PAIP2: variants seen among roughly 807,000 people sequenced by gnomAD.
The protein encoded by PAIP2 is poly(A) binding protein interacting protein 2, also known as polyadenylate-binding protein-interacting protein 2.
PAIP2 carries 7 observed loss-of-function variants against 14.8 expected under a neutral mutation model. The observed-to-expected ratio is 0.47, with a 90% CI of 0.27 to 0.89. The LOEUF is 0.89. PAIP2 is among the 40% of genes least tolerant of loss of function. The pLI, the probability that PAIP2 is intolerant of heterozygous loss-of-function variation, is 0.13. For missense variants in PAIP2, 122 were observed against 154.7 expected (o/e 0.79, Z 1.12); for synonymous variants, 47 against 45.3 (o/e 1.04, Z -0.15).
intron 1 of PAIP2, among the ~76,000 whole-genome samples, chr5:139,348,100 C>T (rs1231569360): frequency 2.8e-5 from 4 of 145,016 alleles, no homozygotes; most frequent in African/African-American, 1.0e-4. Context: ...GACCCGAGAT[C>T]GTGCAGCTGC....
At chr5:139,365,302 G>T (rs1024413882) in intron 3 of PAIP2, among the ~76,000 whole-genome samples, 2 of 151,746 alleles carry the variant, frequency 1.3e-5, no homozygotes, top group Non-Finnish European at 2.9e-5. Flanking sequence ...CCTGGCCAAC[G>T]TGGTGAAACC....
intron 1 of PAIP2, among the ~76,000 whole-genome samples, chr5:139,360,777 C>T (rs1332564846): frequency 7.0e-6 from 1 of 141,850 alleles, no homozygotes; most frequent in African/African-American, 2.6e-5. Flanking sequence ...TCCTGCCTTT[C>T]TTTTTTTTTT....
chr5:139,354,486 C>A (rs933510262), intron 1 of PAIP2, among the ~76,000 whole-genome samples: 1 of 152,078 alleles, frequency 6.6e-6, no homozygotes, highest in African/African-American at 2.4e-5. Context: ...TGTATTGGTA[C>A]GGGTCATATT....
At chr5:139,367,870 A>C (rs72552210) in intron 3 of PAIP2, among the ~76,000 whole-genome samples, 1 of 152,190 alleles carries the variant, frequency 6.6e-6, no homozygotes, top group East Asian at 1.9e-4. Flanking sequence ...GTTACACTTA[A>C]GCAAACTGAA....
intron 3 of PAIP2, chr5:139,365,025 TC>T (rs1313813794): frequency 1.1e-5 from 2 of 183,000 alleles, no homozygotes; most frequent in Non-Finnish European, 2.3e-5. Context: ...ATGCCTGTGA[TC>T]CCAGCTACTC....
At chr5:139,355,829 C>T (rs1756892379) in intron 1 of PAIP2, among the ~76,000 whole-genome samples, 1 of 151,532 alleles carries the variant, frequency 6.6e-6, no homozygotes, top group Non-Finnish European at 1.5e-5. Flanking sequence ...TGCACTCCAG[C>T]CTGGGCAACA....
chr5:139,362,744 A>T (rs932688911), intron 1 of PAIP2, among the ~76,000 whole-genome samples: 3 of 151,704 alleles, frequency 2.0e-5, no homozygotes, highest in African/African-American at 7.3e-5. Flanking sequence ...GGGTTTCACC[A>T]TGTTAGGCTG....
intron 3 of PAIP2, among the ~76,000 whole-genome samples, chr5:139,366,117 C>T (rs924576716): frequency 2.7e-5 from 4 of 149,152 alleles, no homozygotes; most frequent in Non-Finnish European, 5.9e-5. Flanking sequence ...GCAGGAGAAT[C>T]GCATGAATCT....
chr5:139,347,857 G>A (rs1174457414), intron 1 of PAIP2, among the ~76,000 whole-genome samples: 1 of 152,088 alleles, frequency 6.6e-6, no homozygotes, highest in Non-Finnish European at 1.5e-5. Flanking sequence ...AAGATAGGAA[G>A]TTAGGGGAAG....
At chr5:139,368,227 A>G (rs544419822) in intron 3 of PAIP2, among the ~76,000 whole-genome samples, 1 of 152,290 alleles carries the variant, frequency 6.6e-6, no homozygotes, top group Admixed American at 6.5e-5. Flanking sequence ...AGTCCCAGCT[A>G]CTCAGGAGGA....
At chr5:139,356,162 AGTC>A (rs1162807375) in intron 1 of PAIP2, among the ~76,000 whole-genome samples, 3 of 151,092 alleles carry the variant, frequency 2.0e-5, no homozygotes, top group African/African-American at 7.3e-5. Flanking sequence ...AAATAAATAA[AGTC>A]GGCTGGGCAC....
chr5:139,368,271 C>T (rs931415426), intron 3 of PAIP2, among the ~76,000 whole-genome samples: 2 of 151,916 alleles, frequency 1.3e-5, no homozygotes, highest in East Asian at 1.9e-4. Flanking sequence ...ACCCGGGAGG[C>T]GGAGCTTGCA....
chr5:139,354,622 G>C (rs1362343802), intron 1 of PAIP2, among the ~76,000 whole-genome samples: 1 of 151,900 alleles, frequency 6.6e-6, no homozygotes, highest in Non-Finnish European at 1.5e-5. Context: ...TTTTCTTCTG[G>C]TAATTCCATT....
chr5:139,368,765 G>A lies in PAIP2; in HGVS notation c.351G>A (p.Glu117=), dbSNP rs779095445. 10 of 1,613,548 alleles carry A rather than the reference G, an allele frequency of 6.2e-6. No individual in the cohort carries two copies. The East Asian group carries it at 2.0e-4, about 32-fold the overall frequency. The change falls in exon 4 of 4, where the codon GAG becomes GAA. Residue 117 remains glutamate, a synonymous_variant. Coordinates refer to ENST00000265192, the MANE Select transcript of PAIP2 (RefSeq NM_016480.5). ...GCAATCTGAATCCAAATGCAAAGGA[G>A]TTTGTTCCTGGGGTGAAGTACGGAA... ...VKSNLNPNAK[E]FVPGVKYGNI
intron 3 of PAIP2, among the ~76,000 whole-genome samples, chr5:139,365,889 A>C (rs991084642): frequency 6.6e-6 from 1 of 152,158 alleles, no homozygotes; most frequent in Non-Finnish European, 1.5e-5. Flanking sequence ...AAGTAGCTTG[A>C]TGGAGAAGTT....
At chr5:139,351,334 T>A (rs1014313886) in intron 1 of PAIP2, among the ~76,000 whole-genome samples, 1 of 151,546 alleles carries the variant, frequency 6.6e-6, no homozygotes, top group Non-Finnish European at 1.5e-5. Flanking sequence ...AAAAGAGTGA[T>A]CATAGCAAGA....
chr5:139,350,299 A>G (rs1470376568), intron 1 of PAIP2, among the ~76,000 whole-genome samples: 5 of 152,168 alleles, frequency 3.3e-5, no homozygotes, highest in Admixed American at 6.6e-5. Flanking sequence ...TTAAGTAAAA[A>G]AGATGAGTGT....
At chr5:139,366,102 C>G (rs1436412013) in intron 3 of PAIP2, among the ~76,000 whole-genome samples, 1 of 149,822 alleles carries the variant, frequency 6.7e-6, no homozygotes, top group Non-Finnish European at 1.5e-5. Context: ...ACCTGGGAGG[C>G]TAAGGCAGGA....
chr5:139,351,016 A>G (rs899025772), intron 1 of PAIP2, among the ~76,000 whole-genome samples: 15 of 152,178 alleles, frequency 9.9e-5, no homozygotes, highest in African/African-American at 3.4e-4. Flanking sequence ...AAATATTGAG[A>G]GAAAATACAG....
Sources: allele counts gnomAD v4.1 joint callset (sites outside exome capture counted in the v4.1 genomes callset), GRCh38; gene constraint gnomAD v4.1.1; transcripts MANE v1.5; gene names NCBI Gene and HGNC (gene_info 2026-07-23, HGNC 2026-07-21).